FAIM2: variants seen among roughly 807,000 people sequenced by gnomAD.
FAIM2 encodes the protein protein lifeguard 2.
Under a neutral mutation model 47.4 loss-of-function variants are expected in FAIM2, and 27 were observed. The observed-to-expected ratio is 0.57, with a 90% CI of 0.42 to 0.78. The LOEUF (loss-of-function observed/expected upper bound fraction) is 0.78, where lower values mean the gene tolerates loss of function less well. Ranked by LOEUF, FAIM2 falls within the 30% of genes least tolerant of loss-of-function variation. The pLI is 0.00. For missense variants in FAIM2, 311 were observed against 389.4 expected (o/e 0.80, Z 1.69); for synonymous variants, 156 against 159.3 (o/e 0.98, Z 0.16).
chr12:49,881,186 C>T lies in FAIM2; in HGVS notation c.801+6200G>A, dbSNP rs534156888. Among the ~76,000 whole-genome samples the T allele has an allele frequency of 2.6e-5, 4 of 152,072 alleles. No homozygotes were observed. The South Asian group carries it at 8.3e-4, about 32-fold the overall frequency. ...TGCACAGTCTCCCTGCCCCCACCCA[C>T]CCCGGCTCTGGGACACTGCAGTGAC... On this transcript the variant is annotated intron_variant, in intron 11 of 11. Transcript: ENST00000320634.
At chr12:49,897,744 G>A in intron 3 of FAIM2, 161 bp from the exon 4 acceptor site, 1 of 646,772 alleles carries the variant, frequency 1.5e-6, no homozygotes, top group East Asian at 2.7e-5. Context: ...GGAAAGCAAA[G>A]ATGCTGCAGA....
At position 49,879,699 on chromosome 12, in the gene FAIM2, C is replaced by T. The variant is rs544522481; in HGVS notation, c.801+7687G>A. 8.1e-5 allele frequency among the ~76,000 whole-genome samples: 4 copies of T among 49,380 alleles called. 1 individual carries two copies. The highest frequency in any genetic ancestry group is 6.2e-4 in the Admixed American group (3 of 4,820). The allele number at this position is 49,380 out of a possible 152,430, so 32.4% of individuals were successfully genotyped here. On this transcript the variant is annotated intron_variant, in intron 11 of 11. Transcript: ENST00000320634. Reference sequence around the variant, plus strand: ...GCATGTGTGTATCTGTGTCTGTGTGCATGTGTGTGTGTGTGTATATGTGCA... The same window carrying T: ...GCATGTGTGTATCTGTGTCTGTGTGTATGTGTGTGTGTGTGTATATGTGCA...
chr12:49,888,104 C>A (rs1234668878), intron 10 of FAIM2, among the ~76,000 whole-genome samples: 11 of 152,174 alleles, frequency 7.2e-5, no homozygotes, highest in Middle Eastern at 3.2e-3. Flanking sequence ...GACTCGGAAA[C>A]AAAGGCAACC....
In FAIM2 at chr12:49,896,884, G is replaced by A. The variant is rs987608068; in HGVS notation, c.434+147C>T. 5 of 715,490 alleles carry A rather than the reference G, an allele frequency of 7.0e-6. No homozygotes were observed. In the African/African-American group the frequency reaches 8.7e-5, roughly 12 times the overall value. 44.3% of individuals were successfully genotyped at this position (715,490 alleles called of 1,614,324 possible). A position where few individuals can be genotyped will look rare whatever the true frequency, so the allele number is the denominator to read the frequency against. Reference sequence around the variant, plus strand: ...CCATGCTCTGAAGCCGACAGAATGGGGCAGGGTTGGAGGGGATCTGTGAGG... The same window carrying A: ...CCATGCTCTGAAGCCGACAGAATGGAGCAGGGTTGGAGGGGATCTGTGAGG... On this transcript the variant is annotated intron_variant, in intron 5 of 11. Transcript: ENST00000320634.
chr12:49,890,542 G>A (rs1297382043), intron 7 of FAIM2, 141 bp downstream of exon 7: 4 of 748,934 alleles, frequency 5.3e-6, no homozygotes, highest in South Asian at 1.5e-5. Context: ...TGGAAGAAGT[G>A]GGGTGAAAAC....
chr12:49,886,729 G>T, intron 11 of FAIM2, among the ~76,000 whole-genome samples: 1 of 152,080 alleles, frequency 6.6e-6, no homozygotes, highest in East Asian at 1.9e-4. Context: ...GCCCTCCTCA[G>T]CCTTCCAAAG....
intron 9 of FAIM2, 108 bp from the exon 10 acceptor site, chr12:49,889,310 A>G: frequency 9.7e-7 from 1 of 1,027,846 alleles, no homozygotes; most frequent in African/African-American, 1.6e-5. Flanking sequence ...TACCCCAAGA[A>G]CCTGGCATTC....
chr12:49,900,286 CTG>C (rs1278296721), intron 2 of FAIM2: 65 of 1,147,822 alleles, frequency 5.7e-5, no homozygotes, highest in Non-Finnish European at 7.2e-5. Flanking sequence ...GGCATTGTCT[CTG>C]AGATCTCTTC....
At chr12:49,878,597 T>TTTGTGTGC (rs1491582287) in intron 11 of FAIM2, among the ~76,000 whole-genome samples, 2 of 110,640 alleles carry the variant, frequency 1.8e-5, no homozygotes, top group South Asian at 7.5e-4. Context: ...TGTGTATGTG[T>TTTGTGTGC]ATGTGTGCAT....
At chr12:49,879,556 G>A (rs1480976192) in intron 11 of FAIM2, among the ~76,000 whole-genome samples, 1 of 148,454 alleles carries the variant, frequency 6.7e-6, no homozygotes, top group East Asian at 1.9e-4. Context: ...ATGGGTGTAT[G>A]TGCATGCATG....
chr12:49,894,567 C>T (rs1329030144), intron 5 of FAIM2, among the ~76,000 whole-genome samples: 2 of 152,148 alleles, frequency 1.3e-5, no homozygotes, highest in African/African-American at 2.4e-5. Context: ...TGCATCAGAG[C>T]CCCAGCCCCA....
rs76680945 is a variant in FAIM2 at position 49,891,463 on chromosome 12, C to T, written c.435-349G>A. 5.9e-3 allele frequency among the ~76,000 whole-genome samples: 903 copies of T among 152,260 alleles called. 4 individuals are homozygous for T. The highest frequency in any genetic ancestry group is 1.0e-2 in the Non-Finnish European group (680 of 68,030). On this transcript the variant is annotated intron_variant, in intron 5 of 11. Transcript: ENST00000320634. ...GTGCTAGGCAGTTTTAAGTGTTTTA[C>T]GAGTATCAACGAATGTAATCCTCAT...
intron 11 of FAIM2, among the ~76,000 whole-genome samples, chr12:49,880,226 A>G (rs1032879918): frequency 3.6e-5 from 5 of 138,522 alleles, no homozygotes; most frequent in African/African-American, 8.3e-5. Flanking sequence ...GTATATGTGC[A>G]TGCATGTGTG....
intron 6 of FAIM2, 109 bp downstream of exon 6, chr12:49,890,955 G>A: frequency 9.1e-7 from 1 of 1,097,758 alleles, no homozygotes; most frequent in Non-Finnish European, 1.4e-6. Context: ...AGAGAGGGAT[G>A]GGGCCCTCTC....
chr12:49,901,068 T>A (rs1946978026), intron 2 of FAIM2, 62 bp downstream of exon 2: 3 of 1,365,386 alleles, frequency 2.2e-6, no homozygotes, highest in Non-Finnish European at 2.9e-6. Context: ...CCTACTCAGG[T>A]TTTCCCTCTG....
chr12:49,870,351 G>T lies in FAIM2; in HGVS notation c.*153C>A, dbSNP rs547660714. On this transcript the variant is annotated 3_prime_UTR_variant, in exon 12 of 12. Coordinates refer to ENST00000320634, the MANE Select transcript of FAIM2 (RefSeq NM_012306.4). ...GGGTCCCCATGGCGTATGTACAAGC[G>T]GCAGAGGGCTGGGCTGGGCTGGGGT... The T allele has an allele frequency of 8.8e-6, 6 of 680,642 alleles. No individual in the cohort carries two copies. The highest frequency in any genetic ancestry group is 1.5e-5 in the Non-Finnish European group (6 of 398,440). 42.2% of individuals were successfully genotyped at this position (680,642 alleles called of 1,614,324 possible). A position where few individuals can be genotyped will look rare whatever the true frequency, so the allele number is the denominator to read the frequency against.
intron 11 of FAIM2, among the ~76,000 whole-genome samples, chr12:49,880,669 C>T (rs986462782): frequency 2.2e-4 from 31 of 140,708 alleles, no homozygotes; most frequent in South Asian, 4.6e-4. Context: ...CATGTGTGTG[C>T]GTGTCTATAT....
chr12:49,892,664 C>T (rs907250495), intron 5 of FAIM2, among the ~76,000 whole-genome samples: 16 of 152,154 alleles, frequency 1.1e-4, no homozygotes, highest in African/African-American at 3.6e-4. Context: ...TCTCAGTCTG[C>T]CTGGTTCCCT....
chr12:49,877,958 G>A (rs1946750086), intron 11 of FAIM2, among the ~76,000 whole-genome samples: 1 of 141,480 alleles, frequency 7.1e-6, no homozygotes, highest in Admixed American at 6.8e-5. Flanking sequence ...GCGTATGTGT[G>A]TGTATGTGTA....
Sources: allele counts gnomAD v4.1 joint callset (sites outside exome capture counted in the v4.1 genomes callset), GRCh38; gene constraint gnomAD v4.1.1; transcripts MANE v1.5; gene names NCBI Gene and HGNC (gene_info 2026-07-23, HGNC 2026-07-21).